DPP4: variants seen among roughly 807,000 people sequenced by gnomAD.
DPP4 encodes ADCP-2.
A neutral mutation model predicts 122.4 loss-of-function variants in DPP4; 93 were observed. The ratio of observed to expected loss-of-function variants is 0.76; its 90% CI spans 0.64 to 0.90. DPP4 has a LOEUF of 0.90. DPP4 is among the 40% of genes least tolerant of loss of function. DPP4 has a pLI of 0.00. For synonymous variants in DPP4, 321 were observed against 302.9 expected (o/e 1.06, Z -0.62); for missense variants, 914 against 907.3 (o/e 1.01, Z -0.09).
chr2:162,070,225 T>G (rs1685070770), intron 2 of DPP4, among the ~76,000 whole-genome samples: 1 of 152,056 alleles, frequency 6.6e-6, no homozygotes, highest in Non-Finnish European at 1.5e-5. Context: ...CAGAAGAGGG[T>G]GAACTTTTGA....
At chr2:162,052,919 T>C (rs981440486) in intron 2 of DPP4, among the ~76,000 whole-genome samples, 2 of 152,148 alleles carry the variant, frequency 1.3e-5, no homozygotes, top group African/African-American at 4.8e-5. Context: ...TACCAGAAAG[T>C]GGCACTCGGC....
In DPP4 at chr2:162,016,880, G is replaced by A. The variant is rs765230273; in HGVS notation, c.1469-14C>T. 5 of 1,594,970 alleles carry A rather than the reference G, an allele frequency of 3.1e-6. No homozygotes were observed. In the East Asian group the frequency reaches 1.1e-4, roughly 36 times the overall value. ...GGACTCTCAGCCCTAAAGAAATACA[G>A]GAGACAGCAGTCATTCATTACAATG... On this transcript the variant is annotated splice_polypyrimidine_tract_variant and intron_variant, in intron 17 of 25. Transcript: ENST00000360534.
intron 2 of DPP4, among the ~76,000 whole-genome samples, chr2:162,065,881 A>T (rs1183679158): frequency 6.6e-6 from 1 of 152,188 alleles, no homozygotes; most frequent in Non-Finnish European, 1.5e-5. Flanking sequence ...TTGAGGACAA[A>T]GGCCATATCT....
chr2:162,011,409 C>T (rs1006884891), intron 20 of DPP4, among the ~76,000 whole-genome samples: 3 of 152,108 alleles, frequency 2.0e-5, no homozygotes, highest in African/African-American at 7.2e-5. Context: ...GAAATGTACA[C>T]AGTATCCTTG....
intron 14 of DPP4, 37 bp from the exon 15 acceptor site, chr2:162,019,313 G>GT: frequency 7.2e-7 from 1 of 1,393,030 alleles, no homozygotes; most frequent in Non-Finnish European, 9.9e-7. Flanking sequence ...TATTAATTAT[G>GT]TTTTTTAAGA....
intron 2 of DPP4, among the ~76,000 whole-genome samples, chr2:162,068,096 A>G (rs1023581431): frequency 6.6e-6 from 1 of 152,232 alleles, no homozygotes; most frequent in African/African-American, 2.4e-5. Context: ...GCCAGTAGGT[A>G]AATCTGAATC....
rs1576074359 is a variant in DPP4, at chr2:162,063,529, G to T, written c.94+9870C>A. Among the ~76,000 whole-genome samples, 3 of 152,010 alleles carry T rather than the reference G, an allele frequency of 2.0e-5. No homozygotes were observed. In the South Asian group the frequency reaches 6.2e-4, roughly 32 times the overall value. ...GAGGCTGGGAAAGACTGCACAGTGAGGTAGAAGGACAACCAGGAGAGAGTG... is the reference window on the plus strand; with the variant it reads ...GAGGCTGGGAAAGACTGCACAGTGATGTAGAAGGACAACCAGGAGAGAGTG... On this transcript the variant is annotated intron_variant, in intron 2 of 25. Coordinates refer to ENST00000360534, the MANE Select transcript of DPP4 (RefSeq NM_001935.4).
Position 162,024,898 on chromosome 2 carries a change from C to A in DPP4, c.929G>T (p.Arg310Ile), listed in dbSNP as rs1302189299. 2 of 1,613,860 alleles carry A rather than the reference C, an allele frequency of 1.2e-6. No homozygotes were observed. Among genetic ancestry groups the A allele is most frequent in the Non-Finnish European group, 8.5e-7 (1 of 1,180,010 alleles). ...LCDVTWATQERISLQWLRRIQ... is the reference protein window; with the variant it reads ...LCDVTWATQEIISLQWLRRIQ... ...CCTCCTGAGCCACTGCAAAGAAATT[C>A]TTTCTTGTGTTGCCCATGTCACATC... is the stretch of plus-strand genomic sequence containing the variant. Residue 310 changes from arginine (R) to isoleucine (I), a missense_variant, in exon 11 of 26, where the codon AGA (arginine) becomes ATA (isoleucine). By Grantham distance (97) the Arg-to-Ile change is moderately conservative. Transcript: ENST00000360534.
chr2:162,027,704 C>G (rs1683381930), intron 10 of DPP4, among the ~76,000 whole-genome samples: 1 of 152,138 alleles, frequency 6.6e-6, no homozygotes, highest in South Asian at 2.1e-4. Context: ...TACTAAATAG[C>G]TTTATCTATT....
intron 23 of DPP4, among the ~76,000 whole-genome samples, chr2:162,004,480 G>C (rs1701231487): frequency 6.6e-6 from 1 of 152,100 alleles, no homozygotes; most frequent in Non-Finnish European, 1.5e-5. Context: ...TAGATGATTT[G>C]TGCATCTCAC....
intron 2 of DPP4, among the ~76,000 whole-genome samples, chr2:162,053,827 G>C (rs1684469459): frequency 6.6e-6 from 1 of 152,248 alleles, no homozygotes; most frequent in African/African-American, 2.4e-5. Flanking sequence ...AGAAAGGCTA[G>C]CGGCCCATGA....
intron 22 of DPP4, among the ~76,000 whole-genome samples, chr2:162,008,320 T>A (rs1472343428): frequency 1.3e-5 from 2 of 152,210 alleles, no homozygotes; most frequent in Non-Finnish European, 2.9e-5. Context: ...GGGGCTATTT[T>A]GAAATTCGGA....
chr2:162,026,387 TC>T (rs1683331804), intron 10 of DPP4, among the ~76,000 whole-genome samples: 1 of 151,980 alleles, frequency 6.6e-6, no homozygotes, highest in Non-Finnish European at 1.5e-5. Flanking sequence ...TAAATTGGGG[TC>T]CCTTTTCACT....
At chr2:162,066,829 G>A (rs866314745) in intron 2 of DPP4, among the ~76,000 whole-genome samples, 1 of 152,200 alleles carries the variant, frequency 6.6e-6, no homozygotes, top group South Asian at 2.1e-4. Flanking sequence ...GCAAGAAAGA[G>A]GGAGGTGCTA....
rs1683944947 is a variant in DPP4, at chr2:162,040,467, C to CA, written c.367-1284dup. 2.0e-5 allele frequency among the ~76,000 whole-genome samples: 3 copies of CA among 152,020 alleles called. No individual in the cohort carries two copies. In the South Asian group the frequency reaches 6.2e-4, roughly 32 times the overall value. On this transcript the variant is annotated intron_variant, in intron 5 of 25. Coordinates refer to ENST00000360534, the MANE Select transcript of DPP4 (RefSeq NM_001935.4). ...GAAATAAGCCAATGTGGTAAGGTTA[C>CA]ATATTGTATGATTCCAACAATATGA...
In DPP4 at chr2:162,061,006, C is replaced by CTCCT. The variant is rs1235608036; in HGVS notation, c.94+12389_94+12392dup. Among the ~76,000 whole-genome samples, 678 of 81,504 alleles carry CTCCT rather than the reference C, an allele frequency of 8.3e-3. 8 individuals carry two copies. The highest frequency in any genetic ancestry group is 0.019 in the East Asian group (68 of 3,654). The allele number at this position is 81,504 out of a possible 152,430, so 53.5% of individuals were successfully genotyped here. A position where few individuals can be genotyped will look rare whatever the true frequency, so the allele number is the denominator to read the frequency against. On this transcript the variant is annotated intron_variant, in intron 2 of 25. Coordinates refer to ENST00000360534, the MANE Select transcript of DPP4 (RefSeq NM_001935.4). ...CCTCCCTCCCTCCCTCCCTCCCTCC[C>CTCCT]TCCTTCCTTCCTTCCTTCCTTCCTT...
intron 2 of DPP4, among the ~76,000 whole-genome samples, chr2:162,050,492 G>T (rs1178883352): frequency 6.6e-6 from 1 of 152,104 alleles, no homozygotes; most frequent in Non-Finnish European, 1.5e-5. Flanking sequence ...TCATTTCCCA[G>T]ATATCAACTC....
chr2:162,017,214 T>C (rs773782419), intron 16 of DPP4, 59 bp from the exon 17 acceptor site: 28 of 1,444,514 alleles, frequency 1.9e-5, no homozygotes, highest in Non-Finnish European at 2.7e-5. Context: ...AAAGATAGTA[T>C]AGATGACTTT....
At chr2:162,022,920 T>A (rs991386407) in intron 11 of DPP4, 121 bp from the exon 12 acceptor site, 2 of 968,746 alleles carry the variant, frequency 2.1e-6, no homozygotes, top group African/African-American at 1.6e-5. Context: ...TCTCCATTCA[T>A]ATATTTCTAT....
Sources: allele counts gnomAD v4.1 joint callset (sites outside exome capture counted in the v4.1 genomes callset), GRCh38; gene constraint gnomAD v4.1.1; transcripts MANE v1.5; gene names NCBI Gene and HGNC (gene_info 2026-07-23, HGNC 2026-07-21).